Variants in SYCP1 observed in about 807,000 individuals in gnomAD.
The protein encoded by SYCP1 is synaptonemal complex protein 1, also known as cancer/testis antigen 8.
SYCP1 carries 64 observed loss-of-function variants against 153.1 expected under a neutral mutation model. That is an observed-to-expected ratio of 0.42 (90% CI 0.34 to 0.51). SYCP1 has a LOEUF of 0.51. Among genes scored for constraint, SYCP1 ranks in the 20% least tolerant of loss-of-function variants. SYCP1 has a pLI of 0.06. For synonymous variants in SYCP1, 384 were observed against 341.8 expected (o/e 1.12, Z -1.36); for missense variants, 997 against 1,049.0 (o/e 0.95, Z 0.68).
chr1:114,902,254 G>A (rs1387425796), intron 16 of SYCP1, among the ~76,000 whole-genome samples: 1 of 152,018 alleles, frequency 6.6e-6, no homozygotes, highest in African/African-American at 2.4e-5. Flanking sequence ...GAAGAAATCC[G>A]AAGGAAAAAA....
Position 114,910,483 on chromosome 1 carries a change from T to A in SYCP1, c.1407T>A (p.Gly469=). The change falls in exon 17 of 32, where the codon GGT becomes GGA. Residue 469 remains glycine, a synonymous_variant. Coordinates refer to ENST00000369522, the MANE Select transcript of SYCP1 (RefSeq NM_003176.4). ...AAGGAACAGAACAAGAACTAATTGGTCTTCTCCAAGCCAGAGAGGTTTGTT... is the reference window on the plus strand; with the variant it reads ...AAGGAACAGAACAAGAACTAATTGGACTTCTCCAAGCCAGAGAGGTTTGTT... The part of the protein sequence containing the change: ...ELKGTEQELI[G]LLQAREKEVH... 6.3e-7 allele frequency: 1 copy of A among 1,587,136 alleles called. No individual in the cohort carries two copies. The highest frequency in any genetic ancestry group is 8.6e-7 in the Non-Finnish European group (1 of 1,168,822).
At chr1:114,859,887 A>G in intron 7 of SYCP1, 77 bp downstream of exon 7, 1 of 478,716 alleles carries the variant, frequency 2.1e-6, no homozygotes, top group Non-Finnish European at 3.2e-6. Flanking sequence ...TTTCAAAAAC[A>G]TATTGAGCAC....
chr1:114,980,131 G>A (rs997883031), intron 28 of SYCP1, among the ~76,000 whole-genome samples: 6 of 151,768 alleles, frequency 4.0e-5, no homozygotes, highest in South Asian at 2.1e-4. Flanking sequence ...CTAGAAAAAG[G>A]GGAATTTGAG....
intron 27 of SYCP1, among the ~76,000 whole-genome samples, chr1:114,972,497 T>C (rs1672559669): frequency 6.6e-6 from 1 of 152,158 alleles, no homozygotes; most frequent in African/African-American, 2.4e-5. Flanking sequence ...AGATGCATCA[T>C]TAGGTTATTT....
intron 27 of SYCP1, among the ~76,000 whole-genome samples, chr1:114,977,009 C>T (rs1399383322): frequency 6.6e-6 from 1 of 151,698 alleles, no homozygotes; most frequent in Non-Finnish European, 1.5e-5. Context: ...TTATGTAGGC[C>T]AGGCTTTTCT....
rs1212885465 is a variant in SYCP1, at chr1:114,913,113, T to G, written c.1610T>G (p.Met537Arg). 1 of 1,612,380 alleles carries G rather than the reference T, an allele frequency of 6.2e-7. No homozygotes were observed. Among genetic ancestry groups the G allele is most frequent in the Non-Finnish European group, 8.5e-7 (1 of 1,178,912 alleles). The change falls in exon 19 of 32, where the codon ATG becomes AGG. Residue 537 changes from methionine (M) to arginine (R), a missense_variant. Physicochemically the swap from Met to Arg is moderately conservative, Grantham distance 91. This residue lies in a region of SYCP1 where 712 missense variants were observed against 682.9 expected (regional missense o/e 1.04). Coordinates refer to ENST00000369522, the MANE Select transcript of SYCP1 (RefSeq NM_003176.4). ...GAGCTCACACAGGAAACAAGTGATA[T>G]GACCCTAGAACTCAAGAATCAGCAA... is the stretch of plus-strand genomic sequence containing the variant. ...NKELTQETSDMTLELKNQQED... is the reference protein window; with the variant it reads ...NKELTQETSDRTLELKNQQED...
At chr1:114,972,383 A>G (rs1343384334) in intron 27 of SYCP1, among the ~76,000 whole-genome samples, 1 of 150,328 alleles carries the variant, frequency 6.7e-6, no homozygotes, top group East Asian at 2.0e-4. Flanking sequence ...TGTTTCGTTG[A>G]TCTTTTGTAT....
chr1:114,944,251 G>C, intron 23 of SYCP1, 88 bp from the exon 24 acceptor site: 1 of 762,006 alleles, frequency 1.3e-6, no homozygotes, highest in Non-Finnish European at 2.2e-6. Context: ...AATCTTCTAA[G>C]ATTCACAAAA....
intron 8 of SYCP1, among the ~76,000 whole-genome samples, chr1:114,868,757 T>TTTTA (rs2101386720): frequency 6.6e-6 from 1 of 152,352 alleles, no homozygotes; most frequent in East Asian, 1.9e-4. Flanking sequence ...GATTGCCTGC[T>TTTTA]TTTAATTCTG....
chr1:114,855,586 TGACTCTTAATTG>T lies in SYCP1; in HGVS notation c.108+22_108+33del, dbSNP rs780487755. On this transcript the variant is annotated intron_variant, in intron 2 of 31. Transcript: ENST00000369522. Reference sequence around the variant, plus strand: ...ACTTTCTTCAAGGTAAATTTCCATGTGACTCTTAATTGGACTCTTCTTAACTTTAGGGAAATG... The same window carrying T: ...ACTTTCTTCAAGGTAAATTTCCATGTGACTCTTCTTAACTTTAGGGAAATG... 1.5e-5 allele frequency: 24 copies of T among 1,583,362 alleles called. No individual in the cohort carries two copies. In the East Asian group the frequency reaches 5.4e-4, roughly 36 times the overall value.
At chr1:114,857,628 CT>C (rs1036325294) in intron 5 of SYCP1, 131 bp downstream of exon 5, 21 of 654,672 alleles carry the variant, frequency 3.2e-5, no homozygotes, top group Non-Finnish European at 4.1e-5. Context: ...CCTTTAAAAC[CT>C]TTTTTTCTGC....
chr1:114,861,422 G>A (rs1223361060), intron 8 of SYCP1, among the ~76,000 whole-genome samples: 1 of 151,872 alleles, frequency 6.6e-6, no homozygotes, highest in African/African-American at 2.4e-5. Context: ...TTTGACCCTG[G>A]CTTTACTTTG....
intron 19 of SYCP1, among the ~76,000 whole-genome samples, chr1:114,913,375 T>C (rs1022005617): frequency 6.6e-6 from 1 of 152,028 alleles, no homozygotes; most frequent in African/African-American, 2.4e-5. Context: ...AAAGTTAATT[T>C]AATTTTAGGC....
intron 16 of SYCP1, among the ~76,000 whole-genome samples, chr1:114,908,487 C>T (rs908070704): frequency 1.6e-4 from 25 of 152,164 alleles, no homozygotes; most frequent in African/African-American, 6.0e-4. Context: ...TACAATTATA[C>T]ATTGATTTGA....
intron 15 of SYCP1, among the ~76,000 whole-genome samples, chr1:114,888,463 A>G (rs1356677758): frequency 4.6e-5 from 7 of 151,960 alleles, no homozygotes; most frequent in Non-Finnish European, 8.8e-5. Flanking sequence ...TTTACATTTC[A>G]CAAGTAGTTA....
At chr1:114,904,891 ATGAAT>A (rs1390378124) in intron 16 of SYCP1, among the ~76,000 whole-genome samples, 1 of 152,196 alleles carries the variant, frequency 6.6e-6, no homozygotes, top group East Asian at 1.9e-4. Context: ...AGTTTATATT[ATGAAT>A]TGAAGTTGAA....
intron 27 of SYCP1, among the ~76,000 whole-genome samples, chr1:114,967,467 C>G (rs1220442165): frequency 3.3e-5 from 5 of 152,122 alleles, no homozygotes; most frequent in African/African-American, 9.7e-5. Flanking sequence ...GGTTTAAAGT[C>G]TGTTTTATCA....
chr1:114,987,838 T>C (rs1440804584), intron 30 of SYCP1, among the ~76,000 whole-genome samples: 1 of 151,428 alleles, frequency 6.6e-6, no homozygotes, highest in African/African-American at 2.4e-5. Flanking sequence ...TTAAAGTAGC[T>C]CAAATTGCTA....
At chr1:114,943,738 T>C (rs1448914602) in intron 23 of SYCP1, among the ~76,000 whole-genome samples, 2 of 151,816 alleles carry the variant, frequency 1.3e-5, no homozygotes, top group African/African-American at 4.8e-5. Context: ...ACAGTCTGAT[T>C]CATCATTATA....
Sources: allele counts gnomAD v4.1 joint callset (sites outside exome capture counted in the v4.1 genomes callset), GRCh38; gene constraint gnomAD v4.1.1; regional missense constraint gnomAD v4.1.1; transcripts MANE v1.5; gene names NCBI Gene and HGNC (gene_info 2026-07-23, HGNC 2026-07-21).